PELI2: variants seen among roughly 807,000 people sequenced by gnomAD.
PELI2 encodes pellino E3 ubiquitin protein ligase family member 2.
PELI2 carries 23 observed loss-of-function variants against 42.3 expected under a neutral mutation model. The ratio of observed to expected loss-of-function variants is 0.54; its 90% CI spans 0.39 to 0.77. The LOEUF (loss-of-function observed/expected upper bound fraction) is 0.77. Ranked by LOEUF, PELI2 falls within the 30% of genes least tolerant of loss-of-function variation. The pLI, the probability that PELI2 is intolerant of heterozygous loss-of-function variation, is 0.00. For missense variants in PELI2, 463 were observed against 553.2 expected (o/e 0.84, Z 1.64); for synonymous variants, 245 against 212.2 (o/e 1.15, Z -1.34).
intron 2 of PELI2, among the ~76,000 whole-genome samples, chr14:56,251,081 C>T (rs1000460978): frequency 6.6e-6 from 1 of 152,220 alleles, no homozygotes; most frequent in African/African-American, 2.4e-5. Flanking sequence ...CAGGCCGCCC[C>T]TGGGGGCACC....
At chr14:56,243,141 A>G (rs776180151) in intron 2 of PELI2, among the ~76,000 whole-genome samples, 14 of 152,238 alleles carry the variant, frequency 9.2e-5, no homozygotes, top group Non-Finnish European at 2.1e-4. Flanking sequence ...GATTAGAAAC[A>G]GAGAACAACA....
At chr14:56,149,041 C>G (rs1266154121) in intron 1 of PELI2, among the ~76,000 whole-genome samples, 1 of 152,090 alleles carries the variant, frequency 6.6e-6, no homozygotes, top group African/African-American at 2.4e-5. Context: ...GAGGTCACCT[C>G]CTTAGCTTAC....
rs904648222 is a variant in PELI2 at position 56,273,498 on chromosome 14, T to C, written c.208-6178T>C. On this transcript the variant is annotated intron_variant, in intron 2 of 5. Coordinates refer to ENST00000267460, the MANE Select transcript of PELI2 (RefSeq NM_021255.3). The surrounding 1 kb of genome is among the most constrained non-coding windows in gnomAD (Gnocchi z 4.3). ...GGCTGCAAAAAAGCTGATTATAAAA[T>C]TCCTTTGAGGAATAAATCAGTTTTG... is the stretch of plus-strand genomic sequence containing the variant. Among the ~76,000 whole-genome samples, 4 of 152,222 alleles carry C rather than the reference T, an allele frequency of 2.6e-5. No homozygotes were observed. The highest frequency in any genetic ancestry group is 9.6e-5 in the African/African-American group (4 of 41,468).
At position 56,180,461 on chromosome 14, in the gene PELI2, A is replaced by T. The variant is rs1885538502; in HGVS notation, c.207+1997A>T. 6.6e-6 allele frequency among the ~76,000 whole-genome samples: 1 copy of T among 152,176 alleles called. No individual in the cohort carries two copies. Among genetic ancestry groups the T allele is most frequent in the African/African-American group, 2.4e-5 (1 of 41,428 alleles). Reference sequence around the variant, plus strand: ...AACAGTGCACATGGATATTTTTTCAAGAGTGTTAGATAGTGACTTTCCTCC... The same window carrying T: ...AACAGTGCACATGGATATTTTTTCATGAGTGTTAGATAGTGACTTTCCTCC... On this transcript the variant is annotated intron_variant, in intron 2 of 5. Transcript: ENST00000267460. This position sits in a 1 kb window ranked among gnomAD's most constrained non-coding sequence, Gnocchi z 4.4.
At chr14:56,234,235 G>A (rs1482511556) in intron 2 of PELI2, among the ~76,000 whole-genome samples, 1 of 152,162 alleles carries the variant, frequency 6.6e-6, no homozygotes, top group Non-Finnish European at 1.5e-5. Context: ...ATTTGACCCA[G>A]CCATCCCATT....
intron 1 of PELI2, among the ~76,000 whole-genome samples, chr14:56,128,633 C>T (rs4898882): frequency 0.4 from 60,263 of 151,704 alleles, 12,897 homozygotes; most frequent in South Asian, 0.53. Flanking sequence ...AAAAGCATGG[C>T]GATTTTGGAA....
chr14:56,297,272 CAG>C lies in PELI2; in HGVS notation c.*107_*108del, dbSNP rs151133207. 37,271 of 725,302 alleles carry C rather than the reference CAG, an allele frequency of 0.051. 1,145 individuals carry two copies. The highest frequency in any genetic ancestry group is 0.066 in the Non-Finnish European group (29,132 of 438,248). The allele number at this position is 725,302 out of a possible 1,614,324, so 44.9% of individuals were successfully genotyped here. A position where few individuals can be genotyped will look rare whatever the true frequency, so the allele number is the denominator to read the frequency against. ...AATGCTGTTTATCAGAGGAGGGTGA[CAG>C]GGGCTGGAAATAAAGAGAGGGGACA... On this transcript the variant is annotated 3_prime_UTR_variant, in exon 6 of 6. Coordinates refer to ENST00000267460, the MANE Select transcript of PELI2 (RefSeq NM_021255.3).
chr14:56,300,771 G>A lies in PELI2; in HGVS notation c.*3605G>A, dbSNP rs957468479. ...CCAAATCCATCTCCATCCCTTTACT[G>A]TCAATCTTCTGTCCCAGTAGTTTAG... On this transcript the variant is annotated 3_prime_UTR_variant, in exon 6 of 6. Coordinates refer to ENST00000267460, the MANE Select transcript of PELI2 (RefSeq NM_021255.3). 6.6e-6 allele frequency: 1 copy of A among 152,092 alleles called. No homozygotes were observed. The highest frequency in any genetic ancestry group is 1.5e-5 in the Non-Finnish European group (1 of 68,018). 9.4% of individuals were successfully genotyped at this position (152,092 alleles called of 1,614,324 possible).
intron 2 of PELI2, among the ~76,000 whole-genome samples, chr14:56,206,957 G>A (rs1886539592): frequency 6.6e-6 from 1 of 152,208 alleles, no homozygotes; most frequent in South Asian, 2.1e-4. Flanking sequence ...TAATCAAAAT[G>A]TGCTCAACAA....
chr14:56,294,015 G>A (rs1221484149), intron 5 of PELI2, among the ~76,000 whole-genome samples: 1 of 152,190 alleles, frequency 6.6e-6, no homozygotes, highest in African/African-American at 2.4e-5. Flanking sequence ...TCACCAGTTA[G>A]AGGAGAGGAG....
chr14:56,180,344 A>G lies in PELI2; in HGVS notation c.207+1880A>G, dbSNP rs1358262451. 6.6e-6 allele frequency among the ~76,000 whole-genome samples: 1 copy of G among 152,224 alleles called. No homozygotes were observed. The highest frequency in any genetic ancestry group is 1.5e-5 in the Non-Finnish European group (1 of 68,048). ...TTATTCTGGCTAAGATAAAACAGACAAAAGTAAGATAAATTATTATAGGCT... is the reference window on the plus strand; with the variant it reads ...TTATTCTGGCTAAGATAAAACAGACGAAAGTAAGATAAATTATTATAGGCT... On this transcript the variant is annotated intron_variant, in intron 2 of 5. Coordinates refer to ENST00000267460, the MANE Select transcript of PELI2 (RefSeq NM_021255.3). The surrounding 1 kb of genome is among the most constrained non-coding windows in gnomAD (Gnocchi z 4.4).
intron 1 of PELI2, among the ~76,000 whole-genome samples, chr14:56,123,996 C>CT (rs910551036): frequency 5.2e-4 from 79 of 152,244 alleles, no homozygotes; most frequent in African/African-American, 1.9e-3. Flanking sequence ...AGAAAAATAA[C>CT]TGTGAAAAGG....
intron 2 of PELI2, among the ~76,000 whole-genome samples, chr14:56,250,603 G>A (rs561778239): frequency 1.3e-5 from 2 of 152,126 alleles, no homozygotes; most frequent in Non-Finnish European, 2.9e-5. Context: ...TCTGATGTTC[G>A]AGGGCAGGAA....
chr14:56,142,318 C>T (rs1037552303), intron 1 of PELI2, among the ~76,000 whole-genome samples: 4 of 151,988 alleles, frequency 2.6e-5, no homozygotes, highest in East Asian at 1.9e-4. Context: ...GGTGGGCTTG[C>T]GAGAGGAAAC....
At chr14:56,182,746 A>G (rs894719149) in intron 2 of PELI2, among the ~76,000 whole-genome samples, 1 of 152,184 alleles carries the variant, frequency 6.6e-6, no homozygotes, top group Non-Finnish European at 1.5e-5. Context: ...TAAAATATTG[A>G]AACACTTTCT....
intron 2 of PELI2, among the ~76,000 whole-genome samples, chr14:56,246,862 A>G (rs556248624): frequency 1.3e-5 from 2 of 152,304 alleles, no homozygotes; most frequent in South Asian, 4.2e-4. Context: ...TATCTTGGCC[A>G]CGTTTCCTTT....
intron 1 of PELI2, among the ~76,000 whole-genome samples, chr14:56,122,202 A>T (rs1883085803): frequency 6.6e-6 from 1 of 152,214 alleles, no homozygotes; most frequent in African/African-American, 2.4e-5. Context: ...TATGGCACGT[A>T]TGTACCTATG....
intron 2 of PELI2, among the ~76,000 whole-genome samples, chr14:56,229,754 G>T (rs11622592): frequency 0.4 from 60,864 of 152,066 alleles, 12,974 homozygotes; most frequent in South Asian, 0.53. Context: ...TGACTTTCAC[G>T]AGTTGACAGA....
intron 1 of PELI2, among the ~76,000 whole-genome samples, chr14:56,170,398 G>T (rs1885123170): frequency 6.6e-6 from 1 of 152,168 alleles, no homozygotes; most frequent in Non-Finnish European, 1.5e-5. Context: ...AATTCTTATT[G>T]ACAAATACAT....
Sources: gnomAD v4.1 joint callset for allele counts (sites outside exome capture counted in the v4.1 genomes callset) on GRCh38, gnomAD v4.1.1 for gene constraint, Gnocchi (gnomAD v3.1) non-coding constraint, MANE v1.5 for transcripts, NCBI Gene and HGNC (gene_info 2026-07-23, HGNC 2026-07-21) for gene names.